Variants in PPP1R13B observed in about 807,000 individuals in gnomAD.
PPP1R13B encodes apoptosis-stimulating of p53 protein 1.
PPP1R13B carries 44 observed loss-of-function variants against 119.8 expected under a neutral mutation model. The ratio of observed to expected loss-of-function variants is 0.37; its 90% CI spans 0.29 to 0.47. The LOEUF is 0.47. Among genes scored for constraint, PPP1R13B ranks in the 20% least tolerant of loss-of-function variants. The pLI is 0.99. For synonymous variants in PPP1R13B, 542 were observed against 561.5 expected (o/e 0.97, Z 0.49); for missense variants, 1,227 against 1,413.5 (o/e 0.87, Z 2.12).
Position 103,740,315 on chromosome 14 carries a change from C to A in PPP1R13B, c.2101G>T (p.Ala701Ser). 1 of 1,574,144 alleles carries A rather than the reference C, an allele frequency of 6.4e-7. No homozygotes were observed. The highest frequency in any genetic ancestry group is 8.6e-7 in the Non-Finnish European group (1 of 1,160,184). Residue 701 changes from alanine to serine, a missense_variant, in exon 12 of 17, where the codon GCG (alanine) becomes TCG (serine). Ala to Ser is a moderately conservative substitution (Grantham distance 99, BLOSUM62 1). Transcript: ENST00000202556. This position sits in a 1 kb window ranked among gnomAD's most constrained non-coding sequence, Gnocchi z 4.6. The part of the protein sequence containing the change: ...LEALRRKLAN[A>S]PRPLKKRSSI... ...CTGCGCTTTTTCAGGGGCCGGGGCGCGTTGGCCAGCTTCCTGCGGAGGGCC... is the reference window on the plus strand; with the variant it reads ...CTGCGCTTTTTCAGGGGCCGGGGCGAGTTGGCCAGCTTCCTGCGGAGGGCC...
chr14:103,753,922 C>A (rs1211873995), intron 6 of PPP1R13B, 148 bp downstream of exon 6: 11 of 987,272 alleles, frequency 1.1e-5, no homozygotes, highest in Non-Finnish European at 1.6e-5. Flanking sequence ...CCCACCCATC[C>A]TTTTAGATGC....
At chr14:103,799,794 T>A (rs1238591121) in intron 1 of PPP1R13B, among the ~76,000 whole-genome samples, 1 of 151,878 alleles carries the variant, frequency 6.6e-6, no homozygotes, top group Non-Finnish European at 1.5e-5. Flanking sequence ...ACATCTATAA[T>A]CCCAGATTTG....
chr14:103,814,541 C>A, intron 1 of PPP1R13B, among the ~76,000 whole-genome samples: 1 of 152,076 alleles, frequency 6.6e-6, no homozygotes, highest in Admixed American at 6.6e-5. Context: ...CCGTGGCTCA[C>A]ACTTATAATC....
At chr14:103,741,223 G>A (rs556136332) in intron 11 of PPP1R13B, among the ~76,000 whole-genome samples, 2 of 152,330 alleles carry the variant, frequency 1.3e-5, no homozygotes, top group African/African-American at 4.8e-5. Flanking sequence ...GCTTCCTCCC[G>A]TAAGAGTCGG....
intron 3 of PPP1R13B, among the ~76,000 whole-genome samples, chr14:103,779,984 A>G (rs1478682184): frequency 1.3e-5 from 2 of 151,686 alleles, no homozygotes; most frequent in Admixed American, 6.6e-5. Context: ...CCCTGTCTCT[A>G]GTAAAATTAC....
intron 4 of PPP1R13B, among the ~76,000 whole-genome samples, chr14:103,776,186 G>GAGGAAGGAAGGGAGGAAGGAAGGA (rs2085186676): frequency 5.3e-5 from 4 of 76,000 alleles, no homozygotes; most frequent in African/African-American, 8.0e-5. Context: ...GGGAGGGAGG[G>GAGGAAGGAAGGGAGGAAGGAAGGA]AGGAAGGAAG....
chr14:103,821,768 A>AAAAT (rs908900394), intron 1 of PPP1R13B, among the ~76,000 whole-genome samples: 6 of 151,858 alleles, frequency 4.0e-5, no homozygotes, highest in Non-Finnish European at 5.9e-5. Flanking sequence ...ATAAATAAAT[A>AAAAT]AAATAAATAA....
intron 12 of PPP1R13B, 49 bp from the exon 13 acceptor site, chr14:103,739,072 C>CT (rs1234583965): frequency 8.9e-6 from 14 of 1,577,824 alleles, no homozygotes; most frequent in South Asian, 1.2e-5. Flanking sequence ...CCACTGAAGT[C>CT]TAAGAACCCA....
intron 2 of PPP1R13B, among the ~76,000 whole-genome samples, 163 bp from the exon 3 acceptor site, chr14:103,785,077 A>T (rs1257846163): frequency 6.6e-6 from 1 of 152,232 alleles, no homozygotes; most frequent in Non-Finnish European, 1.5e-5. Flanking sequence ...ACTGAGTAAA[A>T]GCAAGAATAT....
rs1019005171 is a variant in PPP1R13B, at chr14:103,754,063, C to T, written c.631+7G>A. On this transcript the variant is annotated splice_region_variant and intron_variant, in intron 6 of 16. Transcript: ENST00000202556. Reference sequence around the variant, plus strand: ...AGTGGTGTCGAGGGGGTGTTGCAGGCACGTACACAGATTGCCGTTCATGAT... The same window carrying T: ...AGTGGTGTCGAGGGGGTGTTGCAGGTACGTACACAGATTGCCGTTCATGAT... The T allele has an allele frequency of 1.9e-6, 3 of 1,613,400 alleles. No individual in the cohort carries two copies. The African/African-American group carries it at 4.0e-5, about 22-fold the overall frequency.
chr14:103,802,880 C>T (rs920510103), intron 1 of PPP1R13B, among the ~76,000 whole-genome samples: 17 of 152,110 alleles, frequency 1.1e-4, no homozygotes. Flanking sequence ...TCTTGTGTTC[C>T]ATTTTATCAC....
intron 4 of PPP1R13B, among the ~76,000 whole-genome samples, chr14:103,766,631 C>A (rs1487608447): frequency 6.6e-6 from 1 of 152,134 alleles, no homozygotes; most frequent in African/African-American, 2.4e-5. Flanking sequence ...TTTTTTCAGA[C>A]AAGAGTCTCG....
intron 4 of PPP1R13B, among the ~76,000 whole-genome samples, chr14:103,772,812 G>A (rs190747557): frequency 6.8e-4 from 103 of 151,974 alleles, no homozygotes; most frequent in Non-Finnish European, 1.1e-3. Flanking sequence ...GATTACAGGC[G>A]TGCACAACCA....
chr14:103,808,309 C>T (rs1380448181), intron 1 of PPP1R13B, among the ~76,000 whole-genome samples: 2 of 151,884 alleles, frequency 1.3e-5, no homozygotes, highest in East Asian at 3.9e-4. Context: ...CGGCAGATTT[C>T]ACTCAAACCT....
intron 1 of PPP1R13B, among the ~76,000 whole-genome samples, chr14:103,843,189 T>C (rs376031187): frequency 6.6e-6 from 1 of 151,384 alleles, no homozygotes; most frequent in African/African-American, 2.4e-5. Flanking sequence ...CTGGCCAACA[T>C]GGTGAAACCC....
intron 1 of PPP1R13B, among the ~76,000 whole-genome samples, chr14:103,838,225 C>G (rs1393539318): frequency 6.6e-6 from 1 of 152,056 alleles, no homozygotes; most frequent in Admixed American, 6.6e-5. Context: ...CACACACACA[C>G]ACACACACAC....
intron 1 of PPP1R13B, among the ~76,000 whole-genome samples, chr14:103,820,942 A>T (rs1241555579): frequency 1.3e-5 from 2 of 152,164 alleles, no homozygotes; most frequent in Non-Finnish European, 2.9e-5. Flanking sequence ...AATTTGAGTT[A>T]GTAAGCAAGA....
chr14:103,778,881 C>A, intron 3 of PPP1R13B, 60 bp from the exon 4 acceptor site: 1 of 1,276,962 alleles, frequency 7.8e-7, no homozygotes, highest in Non-Finnish European at 1.1e-6. Flanking sequence ...TAATATTCTC[C>A]CATTTCTTCA....
intron 4 of PPP1R13B, among the ~76,000 whole-genome samples, chr14:103,760,574 C>A (rs146969096): frequency 3.0e-3 from 451 of 152,298 alleles, no homozygotes; most frequent in African/African-American, 0.01. Flanking sequence ...AGGAAACATC[C>A]CACCAGCCTT....
Sources: gnomAD v4.1 joint callset for allele counts (sites outside exome capture counted in the v4.1 genomes callset) on GRCh38, gnomAD v4.1.1 for gene constraint, Gnocchi (gnomAD v3.1) non-coding constraint, MANE v1.5 for transcripts, NCBI Gene and HGNC (gene_info 2026-07-23, HGNC 2026-07-21) for gene names.